Variants in RFPL1 observed in about 807,000 individuals in gnomAD.
RFPL1 encodes the protein ret finger protein like 1.
RFPL1 carries 6 observed loss-of-function variants against 9.6 expected under a neutral mutation model. That is an observed-to-expected ratio of 0.62 (90% CI 0.34 to 1.23). RFPL1 has a LOEUF of 1.23. Among genes scored for constraint, RFPL1 ranks in the 50% most tolerant of loss-of-function variants. The pLI is 0.03. For missense variants in RFPL1, 352 were observed against 398.4 expected (o/e 0.88, Z 0.99); for synonymous variants, 145 against 149.4 (o/e 0.97, Z 0.22).
chr22:29,416,762 A>G, the RFPL1 span, among the ~76,000 whole-genome samples: 5 of 152,164 alleles, frequency 3.3e-5, no homozygotes, highest in African/African-American at 1.2e-4. Flanking sequence ...ATCTCATTTA[A>G]CTGCCCTTAG....
At chr22:29,434,565 C>T (rs1257107812), upstream of RFPL1, 1 of 154,154 alleles carries the variant, frequency 6.5e-6, no homozygotes, top group East Asian at 1.9e-4. Flanking sequence ...TCATCTGTGT[C>T]CTGGGCTCCC....
the RFPL1 span, among the ~76,000 whole-genome samples, chr22:29,418,081 C>A: frequency 6.6e-6 from 1 of 152,030 alleles, no homozygotes; most frequent in African/African-American, 2.4e-5. Context: ...CATGTGCCCG[C>A]CACCATACCC....
the RFPL1 span, among the ~76,000 whole-genome samples, chr22:29,423,528 T>C: frequency 6.6e-6 from 1 of 152,184 alleles, no homozygotes; most frequent in East Asian, 1.9e-4. Context: ...ATCAAATTTT[T>C]GAATGTGCCT....
At chr22:29,441,988 T>C in exon 2 of RFPL1, 1 of 1,614,158 alleles carries the variant, frequency 6.2e-7, no homozygotes, top group Admixed American at 1.7e-5. Flanking sequence ...CAGGAGTGTC[T>C]CTGCTGAGGA....
chr22:29,420,523 G>T, the RFPL1 span, among the ~76,000 whole-genome samples: 1 of 151,470 alleles, frequency 6.6e-6, no homozygotes, highest in African/African-American at 2.4e-5. Flanking sequence ...TAGAGATGGG[G>T]TTTCACCATG....
At chr22:29,437,111 A>C (rs1434969098), upstream of RFPL1, 3 of 154,692 alleles carry the variant, frequency 1.9e-5, no homozygotes, top group African/African-American at 7.2e-5. Flanking sequence ...TGTGTGAAGT[A>C]CTCAAGGTCC....
chr22:29,439,349 G>C (rs2062826158), intron 1 of RFPL1, 185 bp downstream of exon 1: 2 of 960,408 alleles, frequency 2.1e-6, no homozygotes, highest in African/African-American at 1.6e-5. Context: ...CAAAAAAAAG[G>C]CTGGCTGGGC....
At chr22:29,419,128 G>A in the RFPL1 span, 4 of 1,574,008 alleles carry the variant, frequency 2.5e-6, no homozygotes, top group Non-Finnish European at 3.5e-6. Context: ...CCAGCTTCCA[G>A]CTGCCACCAG....
the RFPL1 span, among the ~76,000 whole-genome samples, chr22:29,423,982 C>CA: frequency 6.6e-6 from 1 of 152,154 alleles, no homozygotes; most frequent in Admixed American, 6.5e-5. Context: ...CACCTGAGGT[C>CA]AGGAGATCGA....
chr22:29,429,191 A>G, the RFPL1 span, among the ~76,000 whole-genome samples: 1 of 152,084 alleles, frequency 6.6e-6, no homozygotes, highest in South Asian at 2.1e-4. Flanking sequence ...AGTAGCTGAG[A>G]CTATAGGTGC....
chr22:29,413,407 G>A, the RFPL1 span, among the ~76,000 whole-genome samples: 41 of 152,188 alleles, frequency 2.7e-4, no homozygotes, highest in Non-Finnish European at 5.9e-4. Context: ...GAAAGTGGGA[G>A]ATAAATCAAG....
chr22:29,400,242 C>T, the RFPL1 span, among the ~76,000 whole-genome samples: 2 of 152,058 alleles, frequency 1.3e-5, no homozygotes, highest in East Asian at 3.9e-4. Context: ...ATGATCCACC[C>T]GTCTCAGCCT....
intron 1 of RFPL1, 135 bp from the exon 2 acceptor site, chr22:29,441,407 T>C: frequency 9.3e-7 from 1 of 1,074,790 alleles, no homozygotes; most frequent in Non-Finnish European, 1.3e-6. Flanking sequence ...AGTTGCCTCA[T>C]GAAAAGTTTT....
At chr22:29,404,785 G>A in the RFPL1 span, among the ~76,000 whole-genome samples, 1 of 152,142 alleles carries the variant, frequency 6.6e-6, no homozygotes, top group Non-Finnish European at 1.5e-5. Context: ...GGAGTGCAGT[G>A]GCCTGATCAT....
At chr22:29,426,063 C>G in the RFPL1 span, among the ~76,000 whole-genome samples, 1 of 151,902 alleles carries the variant, frequency 6.6e-6, no homozygotes, top group African/African-American at 2.4e-5. Flanking sequence ...TGGCTTATGT[C>G]TGTAATCCCA....
At chr22:29,390,582 T>TTTTATTTATTTTTTATTTATTTA in the RFPL1 span, among the ~76,000 whole-genome samples, 108 of 146,926 alleles carry the variant, frequency 7.4e-4, 1 homozygote, top group African/African-American at 2.6e-3. Context: ...CTTATTCCAT[T>TTTTATTTATTTTTTATTTATTTA]TTTATTTATT....
the RFPL1 span, among the ~76,000 whole-genome samples, chr22:29,410,368 A>G: frequency 8.2e-5 from 6 of 73,480 alleles, no homozygotes; most frequent in South Asian, 2.1e-3. Flanking sequence ...GTAGATATAT[A>G]TATCTATATA....
the RFPL1 span, among the ~76,000 whole-genome samples, chr22:29,429,382 A>T: frequency 6.6e-6 from 1 of 152,228 alleles, no homozygotes; most frequent in African/African-American, 2.4e-5. Context: ...AAAGATTAAC[A>T]AAATTGACAA....
chr22:29,395,190 C>A, the RFPL1 span, among the ~76,000 whole-genome samples: 1 of 152,186 alleles, frequency 6.6e-6, no homozygotes, highest in Non-Finnish European at 1.5e-5. Context: ...CCTTCAATTG[C>A]CATCCTTTCA....
Sources: allele counts gnomAD v4.1 joint callset (sites outside exome capture counted in the v4.1 genomes callset), GRCh38; gene constraint gnomAD v4.1.1; transcripts MANE v1.5; gene names NCBI Gene and HGNC (gene_info 2026-07-23, HGNC 2026-07-21).